Variants in NUP210 observed in about 807,000 individuals in gnomAD.
The protein encoded by NUP210 is nucleoporin 210.
A neutral mutation model predicts 196.0 loss-of-function variants in NUP210; 151 were observed. The ratio of observed to expected loss-of-function variants is 0.77; its 90% CI spans 0.67 to 0.88. The LOEUF (loss-of-function observed/expected upper bound fraction) is 0.88, where lower values mean the gene tolerates loss of function less well. Among genes scored for constraint, NUP210 ranks in the 40% least tolerant of loss-of-function variants. The pLI, the probability that NUP210 is intolerant of heterozygous loss-of-function variation, is 0.00. For synonymous variants in NUP210, 1,070 were observed against 1,052.7 expected, an observed-to-expected ratio of 1.02 and a Z score of -0.32; for missense variants, 2,314 against 2,493.7, an observed-to-expected ratio of 0.93 and a Z score of 1.53.
At chr3:13,346,310 C>A (rs947361102) in intron 20 of NUP210, among the ~76,000 whole-genome samples, 1 of 152,220 alleles carries the variant, frequency 6.6e-6, no homozygotes, top group Non-Finnish European at 1.5e-5. Context: ...GACCCTGCAC[C>A]CACTCCTAAC....
At chr3:13,374,194 T>TG (rs1391115519) in intron 11 of NUP210, among the ~76,000 whole-genome samples, 1 of 151,914 alleles carries the variant, frequency 6.6e-6, no homozygotes, top group Non-Finnish European at 1.5e-5. Flanking sequence ...CAGTGCACAC[T>TG]CATACACCTA....
chr3:13,343,633 A>G (rs1697610222), intron 20 of NUP210, among the ~76,000 whole-genome samples: 1 of 152,210 alleles, frequency 6.6e-6, no homozygotes, highest in African/African-American at 2.4e-5. Flanking sequence ...AGCTGCTCCA[A>G]GGGGGCCAGT....
intron 11 of NUP210, 83 bp from the exon 12 acceptor site, chr3:13,373,956 GCATGCACGTACTCACACT>G (rs1269623241): frequency 7.0e-7 from 1 of 1,432,708 alleles, no homozygotes; most frequent in African/African-American, 1.4e-5. Flanking sequence ...ACGTGCGTGT[GCATGCACGTACTCACACT>G]CATACACATT....
At chr3:13,404,975 T>C (rs1463424470) in intron 1 of NUP210, among the ~76,000 whole-genome samples, 1 of 151,596 alleles carries the variant, frequency 6.6e-6, no homozygotes, top group Non-Finnish European at 1.5e-5. Flanking sequence ...ATAAGAGAGG[T>C]GAGGGCAGGC....
At chr3:13,322,361 G>C in intron 34 of NUP210, 22 bp from the exon 35 acceptor site, 1 of 1,613,912 alleles carries the variant, frequency 6.2e-7, no homozygotes, top group Non-Finnish European at 8.5e-7. Context: ...AGAGACGAGA[G>C]GGTGTGGGCC....
chr3:13,376,726 A>C (rs1303261212), intron 9 of NUP210, among the ~76,000 whole-genome samples: 2 of 152,178 alleles, frequency 1.3e-5, no homozygotes, highest in East Asian at 3.9e-4. Flanking sequence ...CGAGGTCTCA[A>C]GAAGGAACCA....
intron 26 of NUP210, 75 bp downstream of exon 26, chr3:13,337,762 C>T: frequency 7.4e-7 from 1 of 1,350,204 alleles, no homozygotes; most frequent in Non-Finnish European, 1.0e-6. Flanking sequence ...GGTGGAGAAG[C>T]ACTCTAACTT....
intron 6 of NUP210, among the ~76,000 whole-genome samples, chr3:13,381,000 G>A (rs1699080982): frequency 6.6e-6 from 1 of 152,200 alleles, no homozygotes. Flanking sequence ...CCAGGGCTGG[G>A]CTCCAGCAAG....
intron 3 of NUP210, among the ~76,000 whole-genome samples, chr3:13,394,611 A>C (rs1699594246): frequency 6.6e-6 from 1 of 152,200 alleles, no homozygotes; most frequent in African/African-American, 2.4e-5. Context: ...TGGGCAAGTT[A>C]CTGAAGCTCT....
intron 28 of NUP210, among the ~76,000 whole-genome samples, chr3:13,334,909 A>G (rs1414815700): frequency 1.3e-5 from 2 of 152,182 alleles, no homozygotes; most frequent in African/African-American, 4.8e-5. Context: ...CAGACAGGGC[A>G]CAGTCCCCAG....
intron 13 of NUP210, among the ~76,000 whole-genome samples, chr3:13,369,124 A>G (rs1042856871): frequency 1.3e-5 from 2 of 152,206 alleles, no homozygotes; most frequent in African/African-American, 4.8e-5. Context: ...GATCGCAGCC[A>G]TCCTAAGGAG....
Position 13,339,898 on chromosome 3 carries a change from G to A in NUP210, c.3427C>T (p.Gln1143Ter). Residue 1143 changes from glutamine (Q) to a stop codon, truncating the protein, a stop_gained, in exon 25 of 40, where the codon CAG becomes TAG. Transcript: ENST00000254508. LOFTEE classifies it high-confidence loss of function. ...TTGCCGGTCTCTGCATCCACTGCCTGCACGAGCCCAGACACAGTGCCGTTC... is the reference window on the plus strand; with the variant it reads ...TTGCCGGTCTCTGCATCCACTGCCTACACGAGCCCAGACACAGTGCCGTTC... ...IGNGTVSGLV[Q>*]AVDAETGKVV... is the part of the protein sequence containing the mutation. 1.9e-6 allele frequency: 3 copies of A among 1,613,986 alleles called. No homozygotes were observed. Among genetic ancestry groups the A allele is most frequent in the Non-Finnish European group, 2.5e-6 (3 of 1,180,028 alleles).
chr3:13,396,858 G>A (rs933981867), intron 3 of NUP210, among the ~76,000 whole-genome samples: 2 of 151,734 alleles, frequency 1.3e-5, no homozygotes, highest in African/African-American at 4.8e-5. Flanking sequence ...ACTCTGGCAA[G>A]GTGAAGATGT....
In NUP210 at chr3:13,341,986, G is replaced by A; in HGVS notation, c.3092+10C>T. 1 of 1,614,028 alleles carries A rather than the reference G, an allele frequency of 6.2e-7. No homozygotes were observed. The highest frequency in any genetic ancestry group is 8.5e-7 in the Non-Finnish European group (1 of 1,179,926). On this transcript the variant is annotated intron_variant, in intron 22 of 39. Transcript: ENST00000254508. Reference sequence around the variant, plus strand: ...TGAGGTGCCCTCCTCTGACCCCTAGGAGAACTCACACCAATGTAATGATCG... The same window carrying A: ...TGAGGTGCCCTCCTCTGACCCCTAGAAGAACTCACACCAATGTAATGATCG...
At chr3:13,417,822 T>A (rs58536738) in intron 1 of NUP210, among the ~76,000 whole-genome samples, 1 of 152,114 alleles carries the variant, frequency 6.6e-6, no homozygotes, top group Non-Finnish European at 1.5e-5. Flanking sequence ...CTCTGATGCA[T>A]CAGAGATTAA....
At position 13,376,322 on chromosome 3, in the gene NUP210, A is replaced by G. The variant is rs1434582825; in HGVS notation, c.1262T>C (p.Ile421Thr). The G allele has an allele frequency of 6.2e-7, 1 of 1,614,166 alleles. No individual in the cohort carries two copies. Among genetic ancestry groups the G allele is most frequent in the Admixed American group, 1.7e-5 (1 of 60,030 alleles). Residue 421 changes from isoleucine to threonine, a missense_variant, in exon 10 of 40, where the codon ATT becomes ACT. Physicochemically the swap from Ile to Thr is moderately conservative, Grantham distance 89. Coordinates refer to ENST00000254508, the MANE Select transcript of NUP210 (RefSeq NM_024923.4). ...CACCACAGAGGTGAGGGCCGCGTCA[A>G]TGGCCGTCTGTCCCCTCTTTAGTGC... ...IRALKRGQTAIDAALTSVVDQ... is the reference protein window; with the variant it reads ...IRALKRGQTATDAALTSVVDQ...
chr3:13,405,990 C>T (rs988816667), intron 1 of NUP210, among the ~76,000 whole-genome samples: 1 of 152,108 alleles, frequency 6.6e-6, no homozygotes, highest in African/African-American at 2.4e-5. Flanking sequence ...ACAAATGTAC[C>T]AAACTCATGA....
chr3:13,319,881 C>T lies in NUP210; in HGVS notation c.5265G>A (p.Ala1755=), dbSNP rs199659269. ...TGGACAGAGGCCCTTGGCTGCCAGCCGCGGGGTCCAAGACGCCGACCGTGT... is the reference window on the plus strand; with the variant it reads ...TGGACAGAGGCCCTTGGCTGCCAGCTGCGGGGTCCAAGACGCCGACCGTGT... ...ITYTVGVLDP[A]AGSQGPLSTT... is the part of the protein sequence containing the mutation. The change falls in exon 37 of 40, where the codon GCG becomes GCA. Residue 1755 remains alanine (A), a synonymous_variant. Coordinates refer to ENST00000254508, the MANE Select transcript of NUP210 (RefSeq NM_024923.4). 9.0e-4 allele frequency: 1,455 copies of T among 1,614,184 alleles called. No individual in the cohort carries two copies. Among genetic ancestry groups the T allele is most frequent in the Non-Finnish European group, 1.1e-3 (1,328 of 1,180,020 alleles).
Position 13,375,614 on chromosome 3 carries a change from G to A in NUP210, c.1321C>T (p.Pro441Ser). The change falls in exon 11 of 40, where the codon CCT becomes TCT. Residue 441 changes from proline (P) to serine (S), a missense_variant. Coordinates refer to ENST00000254508, the MANE Select transcript of NUP210 (RefSeq NM_024923.4). ...TCCACCTCCTGCTGGTTCCACACAG[G>A]CACCTGTAGTATGTGGACCCCTCCA... ...QDGGVHILQV[P>S]VWNQQEVEIH... 1 of 1,613,990 alleles carries A rather than the reference G, an allele frequency of 6.2e-7. No homozygotes were observed. The highest frequency in any genetic ancestry group is 8.5e-7 in the Non-Finnish European group (1 of 1,179,982).
Sources: gnomAD v4.1 joint callset for allele counts (sites outside exome capture counted in the v4.1 genomes callset) on GRCh38, gnomAD v4.1.1 for gene constraint, MANE v1.5 for transcripts, NCBI Gene and HGNC (gene_info 2026-07-23, HGNC 2026-07-21) for gene names.